The following CRYBG1 variants were observed in gnomAD, a reference collection of about 807,000 sequenced individuals.
CRYBG1 encodes crystallin beta-gamma domain containing 1, also known as beta/gamma crystallin domain-containing protein 1.
A neutral mutation model predicts 189.2 loss-of-function variants in CRYBG1; 139 were observed. That is an observed-to-expected ratio of 0.73 (90% CI 0.64 to 0.85). CRYBG1 has a LOEUF of 0.85. Among genes scored for constraint, CRYBG1 ranks in the 40% least tolerant of loss-of-function variants. The pLI is 0.00. For synonymous variants in CRYBG1, 1,023 were observed against 1,017.1 expected (o/e 1.01, Z -0.11); for missense variants, 2,611 against 2,675.8 (o/e 0.98, Z 0.53).
intron 1 of CRYBG1, among the ~76,000 whole-genome samples, chr6:106,426,755 C>A (rs953594194): frequency 6.6e-6 from 1 of 152,118 alleles, no homozygotes; most frequent in African/African-American, 2.4e-5. Context: ...CAGGCATGCT[C>A]GTTAATTCTA....
At chr6:106,380,151 T>G (rs1770258630) in intron 1 of CRYBG1, among the ~76,000 whole-genome samples, 1 of 152,176 alleles carries the variant, frequency 6.6e-6, no homozygotes, top group Non-Finnish European at 1.5e-5. Context: ...CAAGACACCT[T>G]TCTGATCAGA....
chr6:106,549,941 G>A (rs1301122986), intron 13 of CRYBG1, among the ~76,000 whole-genome samples: 1 of 152,194 alleles, frequency 6.6e-6, no homozygotes, highest in Non-Finnish European at 1.5e-5. Flanking sequence ...TAAATGAAAG[G>A]GAACTTTCCA....
intron 1 of CRYBG1, among the ~76,000 whole-genome samples, chr6:106,394,656 G>A (rs1770570846): frequency 6.6e-6 from 1 of 152,202 alleles, no homozygotes; most frequent in Non-Finnish European, 1.5e-5. Context: ...TTTTAAACAA[G>A]TATGTTAAGT....
At chr6:106,559,809 C>T (rs1341359917) in intron 18 of CRYBG1, among the ~76,000 whole-genome samples, 2 of 151,606 alleles carry the variant, frequency 1.3e-5, no homozygotes, top group African/African-American at 4.9e-5. Flanking sequence ...AAAAAAATCA[C>T]AGAAGCTGGG....
intron 2 of CRYBG1, among the ~76,000 whole-genome samples, chr6:106,476,614 A>G (rs1175044274): frequency 6.6e-6 from 1 of 152,150 alleles, no homozygotes; most frequent in Admixed American, 6.5e-5. Flanking sequence ...CTGATTTTGT[A>G]TCAAGGTTAT....
chr6:106,486,249 C>A (rs1004671568), intron 2 of CRYBG1, among the ~76,000 whole-genome samples: 1 of 149,956 alleles, frequency 6.7e-6, no homozygotes. Flanking sequence ...ATTTAATTTT[C>A]ATGTATTTTT....
chr6:106,391,846 G>A (rs803523), intron 1 of CRYBG1, among the ~76,000 whole-genome samples: 68,261 of 151,648 alleles, frequency 0.45, 16,128 homozygotes, highest in East Asian at 0.67. Flanking sequence ...TCGTTCTTGC[G>A]CTCCAAATTC....
At chr6:106,466,291 C>T (rs777486455) in intron 2 of CRYBG1, among the ~76,000 whole-genome samples, 3 of 152,164 alleles carry the variant, frequency 2.0e-5, no homozygotes, top group Non-Finnish European at 4.4e-5. Context: ...CAGAAAGGAG[C>T]ACCAGAAGGT....
At chr6:106,433,001 A>G (rs1211616040) in intron 1 of CRYBG1, among the ~76,000 whole-genome samples, 1 of 151,862 alleles carries the variant, frequency 6.6e-6, no homozygotes, top group Non-Finnish European at 1.5e-5. Flanking sequence ...CACCACACCC[A>G]GCTAATTGTT....
intron 21 of CRYBG1, among the ~76,000 whole-genome samples, chr6:106,564,378 C>T (rs1282465819): frequency 2.0e-5 from 3 of 152,322 alleles, no homozygotes; most frequent in South Asian, 4.1e-4. Context: ...CATGTATACA[C>T]GTGACCTTTC....
chr6:106,516,135 T>C (rs1281005580), intron 3 of CRYBG1, among the ~76,000 whole-genome samples: 1 of 152,042 alleles, frequency 6.6e-6, no homozygotes, highest in Non-Finnish European at 1.5e-5. Context: ...AAAATCTGAA[T>C]TCTCAGTGCT....
At chr6:106,416,393 G>A (rs1771021437) in intron 1 of CRYBG1, among the ~76,000 whole-genome samples, 1 of 152,188 alleles carries the variant, frequency 6.6e-6, no homozygotes, top group Non-Finnish European at 1.5e-5. Flanking sequence ...TCCCCCTATC[G>A]GAGACGGGAG....
At chr6:106,432,840 C>CTTTTT (rs5878888) in intron 1 of CRYBG1, among the ~76,000 whole-genome samples, 18 of 128,846 alleles carry the variant, frequency 1.4e-4, no homozygotes, top group East Asian at 2.2e-4. Flanking sequence ...TCTTTTCTTT[C>CTTTTT]TTTTTTTTTT....
At position 106,520,272 on chromosome 6, in the gene CRYBG1, G is replaced by C; in HGVS notation, c.3064G>C (p.Ala1022Pro). The part of the protein sequence containing the change: ...NEHSHCTAEL[A>P]AKSGPQVIPP... ...ACACTCTCATTGCACAGCAGAGCTC[G>C]CGGCAAAATCTGGCCCACAAGTCAT... is the stretch of plus-strand genomic sequence containing the variant. The change falls in exon 4 of 22, where the codon GCG becomes CCG. Residue 1022 changes from alanine (A) to proline (P), a missense_variant. Physicochemically the swap from Ala to Pro is conservative, Grantham distance 27. Coordinates refer to ENST00000633556, the MANE Select transcript of CRYBG1 (RefSeq NM_001371242.2). 6.2e-7 allele frequency: 1 copy of C among 1,614,132 alleles called. No homozygotes were observed. The highest frequency in any genetic ancestry group is 8.5e-7 in the Non-Finnish European group (1 of 1,180,030).
intron 2 of CRYBG1, among the ~76,000 whole-genome samples, chr6:106,497,924 C>G (rs1281508246): frequency 6.6e-6 from 1 of 151,940 alleles, no homozygotes; most frequent in African/African-American, 2.4e-5. Context: ...AACCCTGTCT[C>G]TACTACAAAT....
chr6:106,372,471 C>G (rs1252014865), intron 1 of CRYBG1, among the ~76,000 whole-genome samples: 1 of 152,174 alleles, frequency 6.6e-6, no homozygotes, highest in South Asian at 2.1e-4. Flanking sequence ...AGGCTGCTCT[C>G]AAACTCCTGA....
intron 1 of CRYBG1, among the ~76,000 whole-genome samples, chr6:106,374,634 A>G (rs544824522): frequency 4.6e-5 from 7 of 152,338 alleles, no homozygotes; most frequent in African/African-American, 1.4e-4. Context: ...AAGAATTTAT[A>G]ATTCTTGAGT....
intron 20 of CRYBG1, among the ~76,000 whole-genome samples, chr6:106,562,561 A>C (rs1257555987): frequency 1.3e-5 from 2 of 152,146 alleles, no homozygotes; most frequent in Non-Finnish European, 2.9e-5. Context: ...ATCTCGGCTC[A>C]CTTCAACCTG....
At chr6:106,452,690 G>A (rs114045992) in intron 2 of CRYBG1, among the ~76,000 whole-genome samples, 1,908 of 152,204 alleles carry the variant, frequency 0.013, 39 homozygotes, top group African/African-American at 0.044. Context: ...CTAGATGCTT[G>A]TACAGAAAGT....
Sources: gnomAD v4.1 joint callset for allele counts (sites outside exome capture counted in the v4.1 genomes callset) on GRCh38, gnomAD v4.1.1 for gene constraint, MANE v1.5 for transcripts, NCBI Gene and HGNC (gene_info 2026-07-23, HGNC 2026-07-21) for gene names.